The following COG5 variants were observed in gnomAD, a reference collection of about 807,000 sequenced individuals.
COG5 encodes conserved oligomeric Golgi complex subunit 5.
In COG5, 86 loss-of-function variants were observed where a neutral mutation model predicts 110.4. The ratio of observed to expected loss-of-function variants is 0.78; its 90% CI spans 0.65 to 0.93. COG5 has a LOEUF of 0.93. COG5 is among the 40% of genes least tolerant of loss of function. The pLI is 0.00. For synonymous variants in COG5, 360 were observed against 334.6 expected (o/e 1.08, Z -0.83); for missense variants, 1,077 against 987.0 (o/e 1.09, Z -1.22).
intron 7 of COG5, among the ~76,000 whole-genome samples, chr7:107,403,664 T>C (rs1047802783): frequency 3.3e-5 from 5 of 150,518 alleles, no homozygotes; most frequent in African/African-American, 4.9e-5. Flanking sequence ...AAATGAGGGG[T>C]AGAAGGAGAG....
chr7:107,362,418 C>G lies in COG5; in HGVS notation c.838G>C (p.Gly280Arg). Residue 280 changes from glycine (G) to arginine (R), a missense_variant and splice_region_variant, in exon 9 of 22, where the codon GGA (glycine) becomes CGA (arginine). Transcript: ENST00000297135. ...GTTGGCATGGTAGATCGTCCAGGTC[C>G]CCCTGGTTATGAGTGAGAAAGAACA... ...TQPSQSAVRG[G>R]PGRSTMPTPG... 1.2e-6 allele frequency: 2 copies of G among 1,607,604 alleles called. No individual in the cohort carries two copies. Among genetic ancestry groups the G allele is most frequent in the Non-Finnish European group, 1.7e-6 (2 of 1,174,198 alleles).
intron 6 of COG5, among the ~76,000 whole-genome samples, chr7:107,504,112 A>C (rs1406534766): frequency 1.3e-5 from 2 of 152,132 alleles, no homozygotes; most frequent in East Asian, 3.9e-4. Flanking sequence ...TTCCCCGTTC[A>C]GTATGATGTC....
rs775465748 is a variant in COG5, at chr7:107,281,283, T to C, written c.1575+17A>G. 1.3e-5 allele frequency: 20 copies of C among 1,536,184 alleles called. No individual in the cohort carries two copies. The highest frequency in any genetic ancestry group is 3.4e-5 in the South Asian group (3 of 89,244). ...AAATAAAATCATTAAAGTTTACAGA[T>C]AAAGGAAACCACTTACAAGCTGCTC... On this transcript the variant is annotated intron_variant, in intron 14 of 21. Transcript: ENST00000297135.
At chr7:107,256,950 T>C (rs1445676590) in intron 15 of COG5, among the ~76,000 whole-genome samples, 156 bp from the exon 16 acceptor site, 10 of 152,012 alleles carry the variant, frequency 6.6e-5, no homozygotes. Context: ...TAAAAATCAG[T>C]ATTTATTAAG....
At chr7:107,533,620 AG>A (rs1801368439) in intron 5 of COG5, among the ~76,000 whole-genome samples, 1 of 151,822 alleles carries the variant, frequency 6.6e-6, no homozygotes, top group Admixed American at 6.5e-5. Context: ...CAGAGAAAAA[AG>A]AATGAAAAAG....
chr7:107,560,931 A>C (rs1468419840), intron 1 of COG5, among the ~76,000 whole-genome samples: 1 of 152,214 alleles, frequency 6.6e-6, no homozygotes, highest in Non-Finnish European at 1.5e-5. Context: ...TAGGAAAAAA[A>C]AGTTTTAGAA....
At chr7:107,529,091 T>C (rs1800989868) in intron 5 of COG5, among the ~76,000 whole-genome samples, 1 of 150,496 alleles carries the variant, frequency 6.6e-6, no homozygotes, top group Non-Finnish European at 1.5e-5. Flanking sequence ...GGGGCATCTT[T>C]ATCTTTTAAT....
intron 19 of COG5, among the ~76,000 whole-genome samples, chr7:107,229,395 G>GC (rs1800602919): frequency 6.6e-6 from 1 of 152,178 alleles, no homozygotes; most frequent in Non-Finnish European, 1.5e-5. Context: ...GTTGCAGTGA[G>GC]CCAAGATCGT....
chr7:107,453,794 C>A (rs990330092), intron 6 of COG5, among the ~76,000 whole-genome samples: 1 of 152,054 alleles, frequency 6.6e-6, no homozygotes, highest in Non-Finnish European at 1.5e-5. Flanking sequence ...TCTTATAATA[C>A]CAATAAACTG....
intron 6 of COG5, among the ~76,000 whole-genome samples, chr7:107,513,987 A>G (rs1799732683): frequency 6.6e-6 from 1 of 152,062 alleles, no homozygotes; most frequent in South Asian, 2.1e-4. Flanking sequence ...AACATGGCAC[A>G]TGTATACATA....
chr7:107,517,758 C>G (rs1001122514), intron 6 of COG5, among the ~76,000 whole-genome samples: 5 of 150,936 alleles, frequency 3.3e-5, no homozygotes, highest in African/African-American at 7.3e-5. Flanking sequence ...AGTGCAGTGG[C>G]GCAATCTCGG....
intron 19 of COG5, among the ~76,000 whole-genome samples, chr7:107,220,986 T>G (rs1334526966): frequency 2.0e-5 from 3 of 151,962 alleles, no homozygotes; most frequent in African/African-American, 7.3e-5. Flanking sequence ...CAGCTAATTT[T>G]TGTATTTTTA....
intron 6 of COG5, among the ~76,000 whole-genome samples, chr7:107,518,982 C>T (rs117382139): frequency 5.9e-5 from 9 of 152,244 alleles, no homozygotes; most frequent in Non-Finnish European, 1.2e-4. Flanking sequence ...AATTAGAACT[C>T]GGGATTAAGA....
chr7:107,350,189 T>A (rs1171381476), intron 10 of COG5, among the ~76,000 whole-genome samples: 1 of 152,228 alleles, frequency 6.6e-6, no homozygotes, highest in Non-Finnish European at 1.5e-5. Context: ...TAGGCTTATA[T>A]TAAAACCTCA....
chr7:107,266,358 T>C (rs1215181771), intron 14 of COG5, among the ~76,000 whole-genome samples: 1 of 152,186 alleles, frequency 6.6e-6, no homozygotes, highest in Non-Finnish European at 1.5e-5. Flanking sequence ...ACACAGAACA[T>C]GTACCTGAAG....
chr7:107,309,404 A>C (rs745930916), intron 11 of COG5, among the ~76,000 whole-genome samples: 2 of 152,152 alleles, frequency 1.3e-5, no homozygotes, highest in Admixed American at 6.5e-5. Flanking sequence ...TTAGGGATCC[A>C]TCTCAACAGA....
intron 7 of COG5, among the ~76,000 whole-genome samples, chr7:107,410,081 A>G (rs1792170494): frequency 6.6e-6 from 1 of 152,228 alleles, no homozygotes; most frequent in African/African-American, 2.4e-5. Flanking sequence ...TAAAATAGGG[A>G]TAAATGTTGC....
chr7:107,305,784 G>A (rs1465878682), intron 11 of COG5, among the ~76,000 whole-genome samples: 1 of 151,942 alleles, frequency 6.6e-6, no homozygotes, highest in African/African-American at 2.4e-5. Context: ...CAAGTGGAAT[G>A]GTATGACAGC....
intron 14 of COG5, chr7:107,258,666 G>A (rs1455835848): frequency 4.7e-6 from 2 of 424,682 alleles, no homozygotes; most frequent in Non-Finnish European, 8.5e-6. Context: ...CACAGCTGAT[G>A]GACTCTTGAG....
Sources: gnomAD v4.1 joint callset for allele counts (sites outside exome capture counted in the v4.1 genomes callset) on GRCh38, gnomAD v4.1.1 for gene constraint, MANE v1.5 for transcripts, NCBI Gene and HGNC (gene_info 2026-07-23, HGNC 2026-07-21) for gene names.